The following MUC17 variants were observed in gnomAD, a reference collection of about 807,000 sequenced individuals.
MUC17 encodes the protein mucin-17.
Under a neutral mutation model 170.3 loss-of-function variants are expected in MUC17, and 190 were observed. The ratio of observed to expected loss-of-function variants is 1.12; its 90% CI spans 0.99 to 1.26. MUC17 has a LOEUF of 1.26. MUC17 is among the 50% of genes most tolerant of loss of function. MUC17 has a pLI of 0.00. For synonymous variants in MUC17, 2,325 were observed against 2,002.5 expected (o/e 1.16, Z -4.30); for missense variants, 6,415 against 5,530.0 (o/e 1.16, Z -5.08).
At chr7:101,022,583 G>A (rs1259135311) in intron 1 of MUC17, among the ~76,000 whole-genome samples, 1 of 152,190 alleles carries the variant, frequency 6.6e-6, no homozygotes, top group African/African-American at 2.4e-5. Flanking sequence ...CAGGCATATT[G>A]GGAGGCCAAG....
chr7:101,022,854 C>A (rs565980091), intron 1 of MUC17, among the ~76,000 whole-genome samples: 8 of 152,176 alleles, frequency 5.3e-5, no homozygotes, highest in Non-Finnish European at 1.0e-4. Context: ...CTCCAGGGAG[C>A]CTTCCAGGAA....
rs189351186 is a variant in MUC17 at position 101,032,867 on chromosome 7, C to G, written c.1451C>G (p.Thr484Ser). The G allele has an allele frequency of 3.1e-6, 5 of 1,613,734 alleles. No individual in the cohort carries two copies. The Admixed American group carries it at 8.3e-5, about 27-fold the overall frequency. The change falls in exon 3 of 13, where the codon ACC becomes AGC. Residue 484 changes from threonine to serine, a missense_variant. Transcript: ENST00000306151. ...TTPVDSKTQVTTSTEASSSPP... is the reference protein window; with the variant it reads ...TTPVDSKTQVSTSTEASSSPP... Reference sequence around the variant, plus strand: ...CCTGTTGACTCCAAAACTCAGGTGACCACTTCTACTGAAGCCAGTTCATCT... The same window carrying G: ...CCTGTTGACTCCAAAACTCAGGTGAGCACTTCTACTGAAGCCAGTTCATCT...
rs753875316 is a variant in MUC17 at position 101,042,088 on chromosome 7, C to T, written c.10672C>T (p.Pro3558Ser). Reference sequence around the variant, plus strand: ...CAGTTCTAGTCAAGCCAGTTCATCTCCAGCAACTCTTCAGGTCACCACTAT... The same window carrying T: ...CAGTTCTAGTCAAGCCAGTTCATCTTCAGCAACTCTTCAGGTCACCACTAT... ...VTSSSQASSS[P>S]ATLQVTTMRM... is the part of the protein sequence containing the mutation. Residue 3558 changes from proline (P) to serine (S), a missense_variant, in exon 3 of 13, where the codon CCA becomes TCA. Pro to Ser is a moderately conservative substitution (Grantham distance 74, BLOSUM62 -1). Coordinates refer to ENST00000306151, the MANE Select transcript of MUC17 (RefSeq NM_001040105.2). 1.9e-6 allele frequency: 3 copies of T among 1,614,000 alleles called. No individual in the cohort carries two copies. The highest frequency in any genetic ancestry group is 2.5e-6 in the Non-Finnish European group (3 of 1,180,028).
rs1402388815 is a variant in MUC17 at position 101,040,499 on chromosome 7, C to T, written c.9083C>T (p.Pro3028Leu). The T allele has an allele frequency of 6.2e-7, 1 of 1,612,092 alleles. No homozygotes were observed. Among genetic ancestry groups the T allele is most frequent in the Admixed American group, 1.7e-5 (1 of 59,616 alleles). ...ACTTCTACTGAAGCCAGTTCCTCTC[C>T]TACAACTGCTGAAGGTACCGGCATA... Reference protein sequence around the residue: ...VTTSTEASSSPTTAEGTGIPI... With the variant: ...VTTSTEASSSLTTAEGTGIPI... The change falls in exon 3 of 13, where the codon CCT becomes CTT. Residue 3028 changes from proline (P) to leucine (L), a missense_variant. Coordinates refer to ENST00000306151, the MANE Select transcript of MUC17 (RefSeq NM_001040105.2).
intron 7 of MUC17, among the ~76,000 whole-genome samples, 191 bp from the exon 8 acceptor site, chr7:101,051,422 G>T (rs1794941294): frequency 6.7e-6 from 1 of 149,952 alleles, no homozygotes; most frequent in Non-Finnish European, 1.5e-5. Context: ...GAAAAGGGAG[G>T]CATAGGACAA....
At chr7:101,051,364 C>CAAAA (rs398005597) in intron 7 of MUC17, among the ~76,000 whole-genome samples, 18 of 52,130 alleles carry the variant, frequency 3.5e-4, no homozygotes, top group East Asian at 1.7e-3. Context: ...TACTCCATCT[C>CAAAA]AAAAAAAAAA....
In MUC17 at chr7:101,036,911, C is replaced by A; in HGVS notation, c.5495C>A (p.Pro1832His). The change falls in exon 3 of 13, where the codon CCT becomes CAT. Residue 1832 changes from proline (P) to histidine (H), a missense_variant. Pro to His is a moderately conservative substitution (Grantham distance 77). Coordinates refer to ENST00000306151, the MANE Select transcript of MUC17 (RefSeq NM_001040105.2). ...NSEASTLSTT[P>H]VDSNSPVVTS... Reference sequence around the variant, plus strand: ...GAGGCTAGCACCCTTTCAACAACTCCTGTTGACTCTAACAGTCCTGTGGTC... The same window carrying A: ...GAGGCTAGCACCCTTTCAACAACTCATGTTGACTCTAACAGTCCTGTGGTC... The A allele has an allele frequency of 6.2e-7, 1 of 1,612,902 alleles. No homozygotes were observed. The highest frequency in any genetic ancestry group is 1.3e-5 in the African/African-American group (1 of 74,988).
chr7:101,037,259 C>A lies in MUC17; in HGVS notation c.5843C>A (p.Thr1948Lys), dbSNP rs1032073420. ...VASSEINTLS[T>K]TLADTRTPVT... ...AGTTCTGAAATCAACACCCTTTCAA[C>A]AACTCTTGCTGACACCAGGACACCT... The change falls in exon 3 of 13, where the codon ACA (threonine) becomes AAA (lysine). Residue 1948 changes from threonine (T) to lysine (K), a missense_variant. By Grantham distance (78) the Thr-to-Lys change is moderately conservative. Transcript: ENST00000306151. The A allele has an allele frequency of 6.2e-7, 1 of 1,610,972 alleles. No individual in the cohort carries two copies. The highest frequency in any genetic ancestry group is 1.3e-5 in the African/African-American group (1 of 74,854).
At chr7:101,030,762 G>T (rs1378047611) in intron 1 of MUC17, among the ~76,000 whole-genome samples, 1 of 152,054 alleles carries the variant, frequency 6.6e-6, no homozygotes, top group Admixed American at 6.6e-5. Context: ...TAGAGACAGG[G>T]TCTCACTCTG....
Position 101,056,190 on chromosome 7 carries a change from C to T in MUC17, c.13364-4C>T, listed in dbSNP as rs763918560. ...TTCCATGGTGCTTTCCATCCCTCCACAAGATGATGATTCCATCCACCTGGA... is the reference window on the plus strand; with the variant it reads ...TTCCATGGTGCTTTCCATCCCTCCATAAGATGATGATTCCATCCACCTGGA... On this transcript the variant is annotated splice_region_variant and splice_polypyrimidine_tract_variant and intron_variant, in intron 11 of 12. Coordinates refer to ENST00000306151, the MANE Select transcript of MUC17 (RefSeq NM_001040105.2). 6.2e-7 allele frequency: 1 copy of T among 1,613,820 alleles called. No individual in the cohort carries two copies. Among genetic ancestry groups the T allele is most frequent in the East Asian group, 2.2e-5 (1 of 44,868 alleles).
At position 101,035,868 on chromosome 7, in the gene MUC17, T is replaced by A. The variant is rs1233054046; in HGVS notation, c.4452T>A (p.Ser1484Arg). The stretch of plus-strand genomic sequence containing the variant: ...CAACAACTCCTGTTGACTCTAACAG[T>A]CCTGTGGTCACTTCTACAGCAGTCA... ...TLSTTPVDSNSPVVTSTAVSS... is the reference protein window; with the variant it reads ...TLSTTPVDSNRPVVTSTAVSS... The change falls in exon 3 of 13, where the codon AGT (serine) becomes AGA (arginine). Residue 1484 changes from serine (S) to arginine (R), a missense_variant. Transcript: ENST00000306151. 2.5e-6 allele frequency: 4 copies of A among 1,605,204 alleles called. No homozygotes were observed. Among genetic ancestry groups the A allele is most frequent in the Non-Finnish European group, 3.4e-6 (4 of 1,174,950 alleles).
chr7:101,034,129 T>C lies in MUC17; in HGVS notation c.2713T>C (p.Ser905Pro), dbSNP rs1183373234. Residue 905 changes from serine to proline, a missense_variant, in exon 3 of 13, where the codon TCT (serine) becomes CCT (proline). Physicochemically the swap from Ser to Pro is moderately conservative, Grantham distance 74. Coordinates refer to ENST00000306151, the MANE Select transcript of MUC17 (RefSeq NM_001040105.2). ...PVTNSTEARS[S>P]PTTSEGTSMP... ...GACCAATTCTACTGAAGCCCGTTCG[T>C]CTCCTACAACTTCTGAAGGTACCAG... The C allele has an allele frequency of 3.8e-6, 6 of 1,584,204 alleles. No homozygotes were observed. Among genetic ancestry groups the C allele is most frequent in the Non-Finnish European group, 5.2e-6 (6 of 1,164,456 alleles).
At chr7:101,020,338 T>A in intron 1 of MUC17, 121 bp downstream of exon 1, 1 of 715,782 alleles carries the variant, frequency 1.4e-6, no homozygotes, top group Non-Finnish European at 2.1e-6. Flanking sequence ...GCCCTCTGCC[T>A]GGAGCTCAGC....
At position 101,038,441 on chromosome 7, in the gene MUC17, G is replaced by A. The variant is rs367804426; in HGVS notation, c.7025G>A (p.Arg2342His). ...AGTGAAGGAAACACTCCATTAACAC[G>A]TATGCCTGTCAGCACCACAATGGTG... ...TSSEGNTPLT[R>H]MPVSTTMVAS... The change falls in exon 3 of 13, where the codon CGT becomes CAT. Residue 2342 changes from arginine (R) to histidine (H), a missense_variant. Coordinates refer to ENST00000306151, the MANE Select transcript of MUC17 (RefSeq NM_001040105.2). 133 of 1,613,276 alleles carry A rather than the reference G, an allele frequency of 8.2e-5. No individual in the cohort carries two copies. The Admixed American group carries it at 1.8e-3, about 22-fold the overall frequency.
rs144508864 is a variant in MUC17 at position 101,030,545 on chromosome 7, G to T, written c.83-575G>T. On this transcript the variant is annotated intron_variant, in intron 1 of 12. Coordinates refer to ENST00000306151, the MANE Select transcript of MUC17 (RefSeq NM_001040105.2). Reference sequence around the variant, plus strand: ...GTCAGTTGGCATGTTATTCTAATAGGTCATATTCTATCTTTTAAAAAATAT... The same window carrying T: ...GTCAGTTGGCATGTTATTCTAATAGTTCATATTCTATCTTTTAAAAAATAT... Among the ~76,000 whole-genome samples, 1,244 of 152,034 alleles carry T rather than the reference G, an allele frequency of 8.2e-3. 17 individuals carry two copies. Among genetic ancestry groups the T allele is most frequent in the African/African-American group, 0.028 (1,151 of 41,458 alleles).
Position 101,038,459 on chromosome 7 carries a change from C to A in MUC17, c.7043C>A (p.Thr2348Lys), listed in dbSNP as rs202100985. The A allele has an allele frequency of 2.9e-4, 473 of 1,603,996 alleles. 5 individuals are homozygous for A. The highest frequency in any genetic ancestry group is 8.8e-5 in the Non-Finnish European group (103 of 1,174,158). The change falls in exon 3 of 13, where the codon ACA (threonine) becomes AAA (lysine). Residue 2348 changes from threonine (T) to lysine (K), a missense_variant. Transcript: ENST00000306151. ...TPLTRMPVST[T>K]MVASFETSTL... ...TTAACACGTATGCCTGTCAGCACCA[C>A]AATGGTGGCCAGTTTTGAAACAAGC...
chr7:101,020,103 G>A lies in MUC17; in HGVS notation c.-33G>A, dbSNP rs1411958534. On this transcript the variant is annotated 5_prime_UTR_variant, in exon 1 of 13. It adds an upstream start codon to the 5' untranslated region. Coordinates refer to ENST00000306151, the MANE Select transcript of MUC17 (RefSeq NM_001040105.2). The stretch of plus-strand genomic sequence containing the variant: ...GCTCATTTCGCCAGCTCCTCTGGGG[G>A]TGACAGGCAAGTGAGACGTGCTCAG... 1 of 1,557,318 alleles carries A rather than the reference G, an allele frequency of 6.4e-7. No homozygotes were observed. Among genetic ancestry groups the A allele is most frequent in the Non-Finnish European group, 8.7e-7 (1 of 1,149,092 alleles).
Position 101,041,822 on chromosome 7 carries a change from C to T in MUC17, c.10406C>T (p.Pro3469Leu), listed in dbSNP as rs146748610. The change falls in exon 3 of 13, where the codon CCG becomes CTG. Residue 3469 changes from proline to leucine, a missense_variant. By Grantham distance (98) the Pro-to-Leu change is moderately conservative (BLOSUM62 -3). Transcript: ENST00000306151. The part of the protein sequence containing the change: ...PLSIMPLSTT[P>L]VASSEASTLS... ...TCAATTATGCCTCTCAGTACCACGC[C>T]GGTGGCCAGTTCTGAGGCTAGCACC... 286 of 1,614,026 alleles carry T rather than the reference C, an allele frequency of 1.8e-4. 1 individual carries two copies. The African/African-American group carries it at 2.5e-3, about 14-fold the overall frequency.
At chr7:101,051,777 T>C (rs6966570) in intron 8 of MUC17, 26 bp from the exon 9 acceptor site, 1,184,769 of 1,608,574 alleles carry the variant, frequency 0.74, 439,549 homozygotes, top group African/African-American at 0.92. Context: ...ATCACGGCTG[T>C]TCCCTGTCCC....
Sources: allele counts gnomAD v4.1 joint callset (sites outside exome capture counted in the v4.1 genomes callset), GRCh38; gene constraint gnomAD v4.1.1; transcripts MANE v1.5; gene names NCBI Gene and HGNC (gene_info 2026-07-23, HGNC 2026-07-21).